Variants in ARHGAP28 observed in about 807,000 individuals in gnomAD.
The protein encoded by ARHGAP28 is rho GTPase-activating protein 28.
ARHGAP28 carries 56 observed loss-of-function variants against 90.7 expected under a neutral mutation model. The ratio of observed to expected loss-of-function variants is 0.62; its 90% confidence interval spans 0.50 to 0.77. The LOEUF is 0.77. Among genes scored for constraint, ARHGAP28 ranks in the 30% least tolerant of loss-of-function variants. The pLI is 0.00. For synonymous variants in ARHGAP28, 308 were observed against 323.3 expected (o/e 0.95, Z 0.51); for missense variants, 869 against 900.9 (o/e 0.96, Z 0.45).
chr18:6,841,156 T>TCTCACTGTCTCTCTCCTC (rs1567966327), intron 3 of ARHGAP28, among the ~76,000 whole-genome samples: 1 of 107,088 alleles, frequency 9.3e-6, no homozygotes, highest in Non-Finnish European at 2.0e-5. Context: ...CTCTCTCCTC[T>TCTCACTGTCTCTCTCCTC]TTCTCTCTCT....
At chr18:6,840,869 A>T (rs1251695756) in intron 3 of ARHGAP28, among the ~76,000 whole-genome samples, 1 of 152,202 alleles carries the variant, frequency 6.6e-6, no homozygotes, top group Non-Finnish European at 1.5e-5. Context: ...TAGAAAATTC[A>T]GATTGTTCCT....
intron 14 of ARHGAP28, among the ~76,000 whole-genome samples, chr18:6,892,910 T>A (rs2057277238): frequency 1.3e-5 from 2 of 152,258 alleles, no homozygotes; most frequent in Admixed American, 1.3e-4. Flanking sequence ...CCTCACTTCC[T>A]GCTTGCACAG....
chr18:6,861,507 G>T (rs1464546857), intron 5 of ARHGAP28, among the ~76,000 whole-genome samples: 1 of 152,160 alleles, frequency 6.6e-6, no homozygotes, highest in Non-Finnish European at 1.5e-5. Flanking sequence ...TAACCTGGAA[G>T]CTCCTGACAT....
intron 3 of ARHGAP28, among the ~76,000 whole-genome samples, chr18:6,841,210 T>TCTCTCTCTCTCTC (rs2056822947): frequency 5.3e-5 from 5 of 94,372 alleles, no homozygotes; most frequent in Admixed American, 2.2e-4. Flanking sequence ...TCTCCTCTCC[T>TCTCTCTCTCTCTC]CTCTCTCTCT....
intron 1 of ARHGAP28, among the ~76,000 whole-genome samples, chr18:6,740,830 G>T (rs376026915): frequency 3.9e-5 from 6 of 152,178 alleles, no homozygotes; most frequent in Non-Finnish European, 8.8e-5. Context: ...GCAAAGTATG[G>T]AAAAGTGTCT....
At chr18:6,835,990 T>C (rs990444410) in intron 2 of ARHGAP28, 1 of 152,214 alleles carries the variant, frequency 6.6e-6, no homozygotes, top group Non-Finnish European at 1.5e-5. Flanking sequence ...CTGATGGAGC[T>C]ACAGGGGATT....
chr18:6,839,587 G>A lies in ARHGAP28; in HGVS notation c.543+2173G>A, dbSNP rs533848075. On this transcript the variant is annotated intron_variant, in intron 3 of 17. Coordinates refer to ENST00000383472, the MANE Select transcript of ARHGAP28 (RefSeq NM_001366230.1). ...GCTGGGATTACAGGCGTGAGCCACT[G>A]CGCCCGGCCATAATTTTTTTAGATT... Among the ~76,000 whole-genome samples, 183 of 152,218 alleles carry A rather than the reference G, an allele frequency of 1.2e-3. 1 individual carries two copies. The highest frequency in any genetic ancestry group is 2.5e-3 in the Admixed American group (39 of 15,298).
rs773520808 is a variant in ARHGAP28 at position 6,870,652 on chromosome 18, T to G, written c.874T>G (p.Tyr292Asp). Residue 292 changes from tyrosine (Y) to aspartate (D), a missense_variant, in exon 7 of 18, where the codon TAT becomes GAT. Tyr to Asp is a radical substitution (Grantham distance 160). Transcript: ENST00000383472. ...EAEELSFEVSYSEMVTEALKR... is the reference protein window; with the variant it reads ...EAEELSFEVSDSEMVTEALKR... ...TGAAGAGCTGTCATTTGAAGTGTCT[T>G]ATTCAGAAATGGTTACGGAGGCTCT... is the stretch of plus-strand genomic sequence containing the variant. 1 of 1,612,760 alleles carries G rather than the reference T, an allele frequency of 6.2e-7. No individual in the cohort carries two copies. The highest frequency in any genetic ancestry group is 1.1e-5 in the South Asian group (1 of 90,938).
At chr18:6,847,245 C>T (rs906043817) in intron 3 of ARHGAP28, among the ~76,000 whole-genome samples, 23 of 151,996 alleles carry the variant, frequency 1.5e-4, no homozygotes, top group Admixed American at 6.6e-5. Context: ...CTTATGGAGC[C>T]CTAATTTCAA....
chr18:6,827,419 C>A (rs1480855676), intron 2 of ARHGAP28, among the ~76,000 whole-genome samples: 2 of 140,980 alleles, frequency 1.4e-5, no homozygotes, highest in South Asian at 2.3e-4. Context: ...GGGGGGTTGA[C>A]CCCCCCACCT....
At chr18:6,767,387 A>G (rs2056207983) in intron 1 of ARHGAP28, among the ~76,000 whole-genome samples, 1 of 152,150 alleles carries the variant, frequency 6.6e-6, no homozygotes, top group Non-Finnish European at 1.5e-5. Flanking sequence ...TTTTATATGT[A>G]GCCATATATT....
rs2057046151 is a variant in ARHGAP28 at position 6,867,469 on chromosome 18, G to A, written c.727-681G>A. On this transcript the variant is annotated intron_variant, in intron 5 of 17. Coordinates refer to ENST00000383472, the MANE Select transcript of ARHGAP28 (RefSeq NM_001366230.1). ...TAAATTGTTTTGATAGGATTTGTGT[G>A]TAAATTTTTACTGATACCCATCCAG... is the stretch of plus-strand genomic sequence containing the variant. Among the ~76,000 whole-genome samples, 2 of 152,124 alleles carry A rather than the reference G, an allele frequency of 1.3e-5. 1 individual carries two copies. The highest frequency in any genetic ancestry group is 4.1e-4 in the South Asian group (2 of 4,832).
In ARHGAP28 at chr18:6,890,036, C is replaced by A. The variant is rs759071148; in HGVS notation, c.1685C>A (p.Ala562Glu). The A allele has an allele frequency of 5.0e-6, 8 of 1,614,058 alleles. No individual in the cohort carries two copies. Among genetic ancestry groups the A allele is most frequent in the African/African-American group, 1.3e-5 (1 of 74,914 alleles). ...GAAGAATTACTGTTAGCAAACACTG[C>A]GGCCCACATCATCCGCCTAATGCTT... ...DYEELLLANT[A>E]AHIIRLMLKY... The change falls in exon 13 of 18, where the codon GCG becomes GAG. Residue 562 changes from alanine (A) to glutamate (E), a missense_variant. Physicochemically the swap from Ala to Glu is moderately radical, Grantham distance 107. Transcript: ENST00000383472.
rs186238831 is a variant in ARHGAP28 at position 6,828,569 on chromosome 18, A to G, written c.325+3605A>G. Among the ~76,000 whole-genome samples, 65 of 152,308 alleles carry G rather than the reference A, an allele frequency of 4.3e-4. No individual in the cohort carries two copies. In the East Asian group the frequency reaches 0.013, roughly 29 times the overall value. On this transcript the variant is annotated intron_variant, in intron 2 of 17. Transcript: ENST00000383472. ...TTATAGTTTGAGGTCTTACATTTAAATCTTTAATCCATCTTGAGTTAATTT... is the reference window on the plus strand; with the variant it reads ...TTATAGTTTGAGGTCTTACATTTAAGTCTTTAATCCATCTTGAGTTAATTT...
chr18:6,820,696 C>T (rs2056621094), intron 1 of ARHGAP28, among the ~76,000 whole-genome samples: 1 of 152,154 alleles, frequency 6.6e-6, no homozygotes, highest in Non-Finnish European at 1.5e-5. Flanking sequence ...TGACTCTCAT[C>T]AGAATCAATA....
Position 6,842,409 on chromosome 18 carries a change from G to A in ARHGAP28, c.543+4995G>A, listed in dbSNP as rs145375155. On this transcript the variant is annotated intron_variant, in intron 3 of 17. Transcript: ENST00000383472. ...TTAATGGTCATATTGCTAATTTACT[G>A]AAGTCCCTCCCCTTGCCCTGACTTC... 1.5e-3 allele frequency among the ~76,000 whole-genome samples: 222 copies of A among 152,222 alleles called. 1 individual carries two copies. The highest frequency in any genetic ancestry group is 5.2e-3 in the African/African-American group (215 of 41,544).
chr18:6,824,379 A>T (rs2056646664), intron 1 of ARHGAP28, among the ~76,000 whole-genome samples: 1 of 152,012 alleles, frequency 6.6e-6, no homozygotes. Flanking sequence ...TCTACTAAAA[A>T]TATAAAAATT....
At chr18:6,780,200 G>T (rs532221264) in intron 1 of ARHGAP28, among the ~76,000 whole-genome samples, 1 of 152,320 alleles carries the variant, frequency 6.6e-6, no homozygotes, top group Non-Finnish European at 1.5e-5. Context: ...CTTCTGGATA[G>T]AATTGGATCT....
Position 6,881,984 on chromosome 18 carries a change from G to A in ARHGAP28, c.1291-153G>A, listed in dbSNP as rs115501026. The stretch of plus-strand genomic sequence containing the variant: ...AAAATTCATCCTCACATAGCTATTT[G>A]CCTTAATCATGTTGAAAAAAAATTA... On this transcript the variant is annotated intron_variant, in intron 10 of 17. Transcript: ENST00000383472. Among the ~76,000 whole-genome samples the A allele has an allele frequency of 3.7e-3, 565 of 152,048 alleles. 5 individuals are homozygous for A. The highest frequency in any genetic ancestry group is 0.013 in the African/African-American group (528 of 41,472).
Sources: allele counts gnomAD v4.1 joint callset (sites outside exome capture counted in the v4.1 genomes callset), GRCh38; gene constraint gnomAD v4.1.1; transcripts MANE v1.5; gene names NCBI Gene and HGNC (gene_info 2026-07-23, HGNC 2026-07-21).